UGT2B17: variants seen among roughly 807,000 people sequenced by gnomAD.
UGT2B17 encodes UDP-glucuronosyltransferase 2B17.
A neutral mutation model predicts 48.2 loss-of-function variants in UGT2B17; 21 were observed. The ratio of observed to expected loss-of-function variants is 0.44; its 90% CI spans 0.31 to 0.63. The LOEUF (loss-of-function observed/expected upper bound fraction) is 0.63. Among genes scored for constraint, UGT2B17 ranks in the 20% least tolerant of loss-of-function variants. The pLI, the probability that UGT2B17 is intolerant of heterozygous loss-of-function variation, is 0.08. For missense variants in UGT2B17, 402 were observed against 696.1 expected, an observed-to-expected ratio of 0.58 and a Z score of 4.75; for synonymous variants, 146 against 238.4, an observed-to-expected ratio of 0.61 and a Z score of 3.57.
Position 68,557,145 on chromosome 4 carries a change from A to G in UGT2B17, c.1005+3392T>C, listed in dbSNP as rs1334639230. On this transcript the variant is annotated intron_variant, in intron 4 of 6. Transcript: ENST00000317746. The stretch of plus-strand genomic sequence containing the variant: ...AATTCTGATATGACTTAGTGTGTAC[A>G]TTATCAGTAATAATTATATTTGTTA... 5.6e-5 allele frequency among the ~76,000 whole-genome samples: 7 copies of G among 124,890 alleles called. 1 individual carries two copies. Among genetic ancestry groups the G allele is most frequent in the Non-Finnish European group, 1.0e-4 (6 of 59,058 alleles). 81.9% of individuals were successfully genotyped at this position (124,890 alleles called of 152,430 possible).
Position 68,545,751 on chromosome 4 carries a change from G to T in UGT2B17, c.1313+4926C>A, listed in dbSNP as rs1730790346. On this transcript the variant is annotated intron_variant, in intron 6 of 6. Transcript: ENST00000317746. ...AAATGATTAAGGGGGTATCACCACC[G>T]ATTCCAGAGAAATACAAACTACCAT... Among the ~76,000 whole-genome samples, 2 of 125,454 alleles carry T rather than the reference G, an allele frequency of 1.6e-5. 1 individual carries two copies. The highest frequency in any genetic ancestry group is 5.4e-5 in the African/African-American group (2 of 36,760). 82.3% of individuals were successfully genotyped at this position (125,454 alleles called of 152,430 possible).
Position 68,557,528 on chromosome 4 carries a change from G to GT in UGT2B17, c.1005+3008dup, listed in dbSNP as rs1216823575. Among the ~76,000 whole-genome samples the GT allele has an allele frequency of 3.4e-3, 366 of 108,134 alleles. 67 individuals carry two copies. Among genetic ancestry groups the GT allele is most frequent in the South Asian group, 0.014 (32 of 2,218 alleles). The allele number at this position is 108,134 out of a possible 152,430, so 70.9% of individuals were successfully genotyped here. On this transcript the variant is annotated intron_variant, in intron 4 of 6. Coordinates refer to ENST00000317746, the MANE Select transcript of UGT2B17 (RefSeq NM_001077.4). ...CATTGCTGATCCTTTGTTTTGTTTT[G>GT]TTTTTTTTTTTAGAGTGAAGGAATC...
In UGT2B17 at chr4:68,563,728, C is replaced by T. The variant is rs1320159179; in HGVS notation, c.873+1844G>A. Reference sequence around the variant, plus strand: ...AATAAGATAAGAGTACACAGAATTACCTTTTAAGCTAAAATATTAATGAAG... The same window carrying T: ...AATAAGATAAGAGTACACAGAATTATCTTTTAAGCTAAAATATTAATGAAG... On this transcript the variant is annotated intron_variant, in intron 3 of 6. Coordinates refer to ENST00000317746, the MANE Select transcript of UGT2B17 (RefSeq NM_001077.4). Among the ~76,000 whole-genome samples the T allele has an allele frequency of 1.6e-5, 2 of 126,060 alleles. 1 individual carries two copies. Among genetic ancestry groups the T allele is most frequent in the African/African-American group, 5.4e-5 (2 of 36,882 alleles). 82.7% of individuals were successfully genotyped at this position (126,060 alleles called of 152,430 possible).
chr4:68,547,400 C>T lies in UGT2B17; in HGVS notation c.1313+3277G>A, dbSNP rs1444892355. 2.7e-4 allele frequency among the ~76,000 whole-genome samples: 34 copies of T among 126,618 alleles called. 7 individuals carry two copies. The highest frequency in any genetic ancestry group is 2.2e-3 in the Admixed American group (27 of 12,416). The allele number at this position is 126,618 out of a possible 152,430, so 83.1% of individuals were successfully genotyped here. ...TAGAAAGCTGAAACTGGATACCTTCCTTACACCTTATACAAAAATTAATTG... is the reference window on the plus strand; with the variant it reads ...TAGAAAGCTGAAACTGGATACCTTCTTTACACCTTATACAAAAATTAATTG... On this transcript the variant is annotated intron_variant, in intron 6 of 6. Transcript: ENST00000317746.
chr4:68,550,326 A>T (rs1394760254), intron 6 of UGT2B17, among the ~76,000 whole-genome samples: 3 of 126,078 alleles, frequency 2.4e-5, no homozygotes, highest in African/African-American at 8.1e-5. Context: ...GAAAGAATAG[A>T]TTCATACTTT....
chr4:68,548,087 AG>A (rs1395613407), intron 6 of UGT2B17, among the ~76,000 whole-genome samples: 3 of 127,162 alleles, frequency 2.4e-5, no homozygotes, highest in Non-Finnish European at 5.0e-5. Flanking sequence ...ATATACCCAA[AG>A]GGTTATAAAT....
At chr4:68,574,190 T>G (rs1352650187) in intron 1 of UGT2B17, among the ~76,000 whole-genome samples, 1 of 127,382 alleles carries the variant, frequency 7.9e-6, no homozygotes, top group African/African-American at 2.7e-5. Flanking sequence ...ACTTTTATGA[T>G]CCTCTAGTAA....
At position 68,542,745 on chromosome 4, in the gene UGT2B17, T is replaced by C. The variant is rs770975749; in HGVS notation, c.1314-4841A>G. ...GAAAATTGGGTTACTCCCACCCTAA[T>C]ACTGCGCTTTTCCAAAAGGTTTTAG... On this transcript the variant is annotated intron_variant, in intron 6 of 6. Transcript: ENST00000317746. Among the ~76,000 whole-genome samples, 3 of 127,112 alleles carry C rather than the reference T, an allele frequency of 2.4e-5. 1 individual carries two copies. Among genetic ancestry groups the C allele is most frequent in the Non-Finnish European group, 5.0e-5 (3 of 59,686 alleles). The allele number at this position is 127,112 out of a possible 152,430, so 83.4% of individuals were successfully genotyped here.
At position 68,571,525 on chromosome 4, in the gene UGT2B17, A is replaced by T. The variant is rs529828666; in HGVS notation, c.-64-2977T>A. 3.7e-4 allele frequency among the ~76,000 whole-genome samples: 47 copies of T among 126,912 alleles called. 16 individuals are homozygous for T. The South Asian group carries it at 8.9e-3, about 24-fold the overall frequency. 83.3% of individuals were successfully genotyped at this position (126,912 alleles called of 152,430 possible). ...ATGTGACTGTTTTTGTGGTACTATT[A>T]TAGAGCTTTTGTCTAAGACAGCTAA... On this transcript the variant is annotated intron_variant, in intron 1 of 6. Transcript: ENST00000317746.
chr4:68,573,530 A>G (rs1458129745), intron 1 of UGT2B17, among the ~76,000 whole-genome samples: 2 of 126,568 alleles, frequency 1.6e-5, no homozygotes, highest in African/African-American at 5.4e-5. Flanking sequence ...TATTCCTTGC[A>G]GGGCTTCGAT....
At chr4:68,573,259 G>T (rs1731321859) in intron 1 of UGT2B17, among the ~76,000 whole-genome samples, 1 of 127,194 alleles carries the variant, frequency 7.9e-6, no homozygotes, top group Non-Finnish European at 1.7e-5. Flanking sequence ...CCTTGGCCAG[G>T]AACCTCCAGT....
Position 68,565,606 on chromosome 4 carries a change from C to T in UGT2B17, c.839G>A (p.Gly280Glu), listed in dbSNP as rs1731183593. The T allele has an allele frequency of 1.5e-6, 2 of 1,370,804 alleles. No homozygotes were observed. Among genetic ancestry groups the T allele is most frequent in the East Asian group, 8.5e-5 (1 of 11,780 alleles). The allele number at this position is 1,370,804 out of a possible 1,614,324, so 84.9% of individuals were successfully genotyped here. Residue 280 changes from glycine to glutamate, a missense_variant, in exon 3 of 7, where the codon GGA becomes GAA. Coordinates refer to ENST00000317746, the MANE Select transcript of UGT2B17 (RefSeq NM_001077.4). ...PFLPNVDFVG[G>E]LHCKPAKPLP... ...GGGTTTGGCTGGTTTACAGTGAAGT[C>T]CTCCAACAAAATCAACATTTGGTAA...
rs1401878196 is a variant in UGT2B17, at chr4:68,568,165, CA to C, written c.319del (p.Trp107GlyfsTer19). The stretch of plus-strand genomic sequence containing the variant: ...TTCTTGTAGTTGTGAAAAATATGAC[CA>C]AAATGTATTTTTTGAAATACTATAT... ...WTYSISKNTF[W>X]SYFSQLQELC... On this transcript the variant is annotated frameshift_variant, in exon 2 of 7. Transcript: ENST00000317746. LOFTEE classifies it high-confidence loss of function. 2.2e-6 allele frequency: 3 copies of C among 1,379,170 alleles called. 1 individual carries two copies. Among genetic ancestry groups the C allele is most frequent in the Non-Finnish European group, 2.8e-6 (3 of 1,053,698 alleles). The allele number at this position is 1,379,170 out of a possible 1,614,324, so 85.4% of individuals were successfully genotyped here.
At position 68,568,186 on chromosome 4, in the gene UGT2B17, C is replaced by T. The variant is rs1309228581; in HGVS notation, c.299G>A (p.Ser100Asn). The T allele has an allele frequency of 2.9e-6, 4 of 1,377,870 alleles. 1 individual carries two copies. The highest frequency in any genetic ancestry group is 2.0e-5 in the Admixed American group (1 of 49,478). The allele number at this position is 1,377,870 out of a possible 1,614,324, so 85.4% of individuals were successfully genotyped here. A position where few individuals can be genotyped will look rare whatever the true frequency, so the allele number is the denominator to read the frequency against. ...TGACCAAAATGTATTTTTTGAAATA[C>T]TATATGTCCATCTATCGAACATTTT... ...FMKMFDRWTY[S>N]ISKNTFWSYF... The change falls in exon 2 of 7, where the codon AGT becomes AAT. Residue 100 changes from serine (S) to asparagine (N), a missense_variant. Ser to Asn is a conservative substitution (Grantham distance 46). Around this residue, in one of 5 missense-constraint regions of UGT2B17, gnomAD observed 84 missense variants for 92.6 expected, o/e 0.91. Transcript: ENST00000317746.
At chr4:68,572,372 A>G (rs1451067023) in intron 1 of UGT2B17, among the ~76,000 whole-genome samples, 1 of 126,748 alleles carries the variant, frequency 7.9e-6, no homozygotes, top group Non-Finnish European at 1.7e-5. Context: ...GAGGCTTAAA[A>G]TTGTTCATAA....
chr4:68,572,014 T>C (rs1169747078), intron 1 of UGT2B17, among the ~76,000 whole-genome samples: 1 of 125,696 alleles, frequency 8.0e-6, no homozygotes, highest in Non-Finnish European at 1.7e-5. Flanking sequence ...TCTAAAAGGT[T>C]GTAGCTCCTA....
In UGT2B17 at chr4:68,564,439, C is replaced by A. The variant is rs1731161551; in HGVS notation, c.873+1133G>T. On this transcript the variant is annotated intron_variant, in intron 3 of 6. Coordinates refer to ENST00000317746, the MANE Select transcript of UGT2B17 (RefSeq NM_001077.4). ...GAGTAGCTGCTATTAGAGGTGCCTG[C>A]CAACATGCCTGACTAATTTTTGTAT... Among the ~76,000 whole-genome samples the A allele has an allele frequency of 5.8e-5, 7 of 120,180 alleles. 2 individuals are homozygous for A. The Admixed American group carries it at 6.1e-4, about 10-fold the overall frequency. 78.8% of individuals were successfully genotyped at this position (120,180 alleles called of 152,430 possible).
In UGT2B17 at chr4:68,547,235, C is replaced by T. The variant is rs553059041; in HGVS notation, c.1313+3442G>A. Among the ~76,000 whole-genome samples, 946 of 123,338 alleles carry T rather than the reference C, an allele frequency of 7.7e-3. 164 individuals carry two copies. The highest frequency in any genetic ancestry group is 0.025 in the African/African-American group (917 of 36,226). 80.9% of individuals were successfully genotyped at this position (123,338 alleles called of 152,430 possible). ...CTGGTACCAAAACAGAGATATAGAC[C>T]AATGGAACAGAACAGAGCCCTCAGA... On this transcript the variant is annotated intron_variant, in intron 6 of 6. Coordinates refer to ENST00000317746, the MANE Select transcript of UGT2B17 (RefSeq NM_001077.4).
At chr4:68,548,665 C>T (rs557168578) in intron 6 of UGT2B17, among the ~76,000 whole-genome samples, 1 of 124,932 alleles carries the variant, frequency 8.0e-6, no homozygotes. Context: ...TGTTTGTGTC[C>T]TCTCTTAATT....
Sources: allele counts gnomAD v4.1 joint callset (sites outside exome capture counted in the v4.1 genomes callset), GRCh38; gene constraint gnomAD v4.1.1; regional missense constraint gnomAD v4.1.1; transcripts MANE v1.5; gene names NCBI Gene and HGNC (gene_info 2026-07-23, HGNC 2026-07-21).